ACSS3: variants seen among roughly 807,000 people sequenced by gnomAD.
The protein encoded by ACSS3 is acyl-CoA synthetase short chain family member 3, also known as acyl-CoA synthetase short-chain family member 3, mitochondrial.
Under a neutral mutation model 84.2 loss-of-function variants are expected in ACSS3, and 64 were observed. The ratio of observed to expected loss-of-function variants is 0.76; its 90% CI spans 0.62 to 0.94. The LOEUF is 0.94. Ranked by LOEUF, ACSS3 falls within the 40% of genes least tolerant of loss-of-function variation. ACSS3 has a pLI of 0.00. For missense variants in ACSS3, 815 were observed against 867.6 expected, an observed-to-expected ratio of 0.94 and a Z score of 0.76; for synonymous variants, 317 against 310.1, an observed-to-expected ratio of 1.02 and a Z score of -0.23.
chr12:81,158,211 ATTAC>A (rs1886977382), intron 7 of ACSS3, among the ~76,000 whole-genome samples: 1 of 152,014 alleles, frequency 6.6e-6, no homozygotes, highest in Non-Finnish European at 1.5e-5. Flanking sequence ...ATATCTCTGT[ATTAC>A]TTCTTACAAC....
At chr12:81,212,882 G>A (rs1214233861) in intron 9 of ACSS3, among the ~76,000 whole-genome samples, 2 of 152,092 alleles carry the variant, frequency 1.3e-5, no homozygotes, top group Non-Finnish European at 2.9e-5. Flanking sequence ...TCTAATGCAG[G>A]GTGAGTATAA....
rs2034357263 is a variant in ACSS3, at chr12:81,257,687, G to C, written c.*2765G>C. On this transcript the variant is annotated 3_prime_UTR_variant, in exon 16 of 16. Transcript: ENST00000548058. Reference sequence around the variant, plus strand: ...AAACCAGTTTTGTTTATATAAAATTGTATTTGAAAGGTCCTGAACATTAAA... The same window carrying C: ...AAACCAGTTTTGTTTATATAAAATTCTATTTGAAAGGTCCTGAACATTAAA... 6.6e-6 allele frequency: 1 copy of C among 151,980 alleles called. No homozygotes were observed. The highest frequency in any genetic ancestry group is 1.5e-5 in the Non-Finnish European group (1 of 67,970). 9.4% of individuals were successfully genotyped at this position (151,980 alleles called of 1,614,324 possible). A position where few individuals can be genotyped will look rare whatever the true frequency, so the allele number is the denominator to read the frequency against.
Position 81,199,393 on chromosome 12 carries a change from T to A in ACSS3, c.1303T>A (p.Trp435Arg). 1 of 1,613,782 alleles carries A rather than the reference T, an allele frequency of 6.2e-7. No individual in the cohort carries two copies. The change falls in exon 9 of 16, where the codon TGG becomes AGG. Residue 435 changes from tryptophan (W) to arginine (R), a missense_variant. Physicochemically the swap from Trp to Arg is moderately radical, Grantham distance 101 (BLOSUM62 -3). Transcript: ENST00000548058. ...ACGATGTGATGTAGAGACCCTGGAA[T>A]GGTCCAAAAATGTCTTCAGAGTACC... Reference protein sequence around the residue: ...GERCDVETLEWSKNVFRVPVL... With the variant: ...GERCDVETLERSKNVFRVPVL...
intron 4 of ACSS3, among the ~76,000 whole-genome samples, chr12:81,140,944 C>T (rs566770815): frequency 6.6e-6 from 1 of 152,176 alleles, no homozygotes; most frequent in Non-Finnish European, 1.5e-5. Flanking sequence ...TTCTAACAAA[C>T]AAATGAAATA....
At chr12:81,234,466 A>G (rs966918015) in intron 13 of ACSS3, among the ~76,000 whole-genome samples, 9 of 151,316 alleles carry the variant, frequency 5.9e-5, no homozygotes, top group African/African-American at 1.9e-4. Flanking sequence ...GTTATGAGAA[A>G]CCACCAAAGA....
At chr12:81,174,326 A>C (rs1221091387) in intron 7 of ACSS3, among the ~76,000 whole-genome samples, 1 of 152,168 alleles carries the variant, frequency 6.6e-6, no homozygotes, top group Non-Finnish European at 1.5e-5. Context: ...TGAGACATTT[A>C]ACTGAAAAGG....
In ACSS3 at chr12:81,135,004, G is replaced by C. The variant is rs1282698975; in HGVS notation, c.645G>C (p.Lys215Asn). ...TAAGTAGTCGCATTGATCATGTAAAGGTAAGTGCTTTATTTTGGGAAATCA... is the reference window on the plus strand; with the variant it reads ...TAAGTAGTCGCATTGATCATGTAAACGTAAGTGCTTTATTTTGGGAAATCA... ...KELSSRIDHV[K>N]PKVVVTASFG... Residue 215 changes from lysine to asparagine, a missense_variant and splice_region_variant, in exon 3 of 16, where the codon AAG becomes AAC. Physicochemically the swap from Lys to Asn is moderately conservative, Grantham distance 94. Coordinates refer to ENST00000548058, the MANE Select transcript of ACSS3 (RefSeq NM_024560.4). 6.3e-7 allele frequency: 1 copy of C among 1,578,414 alleles called. No homozygotes were observed. Among genetic ancestry groups the C allele is most frequent in the African/African-American group, 1.3e-5 (1 of 74,138 alleles).
chr12:81,197,884 A>G (rs1408788040), intron 8 of ACSS3, among the ~76,000 whole-genome samples: 1 of 152,048 alleles, frequency 6.6e-6, no homozygotes, highest in Admixed American at 6.6e-5. Flanking sequence ...TCTAGAGTTT[A>G]CAGGCAGCTT....
chr12:81,249,214 GC>G (rs1190515616), intron 13 of ACSS3, among the ~76,000 whole-genome samples: 1 of 152,062 alleles, frequency 6.6e-6, no homozygotes, highest in Non-Finnish European at 1.5e-5. Flanking sequence ...GCACTTGTAA[GC>G]TAAAATTTGC....
At chr12:81,158,858 T>C (rs918029634) in intron 7 of ACSS3, among the ~76,000 whole-genome samples, 2 of 152,158 alleles carry the variant, frequency 1.3e-5, no homozygotes, top group African/African-American at 4.8e-5. Context: ...TGCAGATTCA[T>C]ATTAGTCTTT....
At chr12:81,196,858 G>A (rs1027991139) in intron 8 of ACSS3, among the ~76,000 whole-genome samples, 2 of 152,092 alleles carry the variant, frequency 1.3e-5, no homozygotes, top group African/African-American at 4.8e-5. Flanking sequence ...ATTACCATGG[G>A]GAGGACATGA....
At position 81,253,300 on chromosome 12, in the gene ACSS3, A is replaced by T. The variant is rs760413191; in HGVS notation, c.1720-7A>T. 1 of 1,612,686 alleles carries T rather than the reference A, an allele frequency of 6.2e-7. No individual in the cohort carries two copies. The highest frequency in any genetic ancestry group is 1.3e-5 in the African/African-American group (1 of 74,848). The stretch of plus-strand genomic sequence containing the variant: ...GTATTCTAAATGAATGCCTTTCCTT[A>T]TTACAGTCAATCCTTTCCCATGGTA... On this transcript the variant is annotated splice_region_variant and splice_polypyrimidine_tract_variant and intron_variant, in intron 13 of 15. Transcript: ENST00000548058.
At chr12:81,182,177 G>A (rs2030982390) in intron 8 of ACSS3, among the ~76,000 whole-genome samples, 1 of 152,088 alleles carries the variant, frequency 6.6e-6, no homozygotes, top group Non-Finnish European at 1.5e-5. Context: ...TACATATAAG[G>A]GAATTTCCAT....
chr12:81,083,196 G>A (rs778306733), intron 1 of ACSS3, among the ~76,000 whole-genome samples: 17 of 152,318 alleles, frequency 1.1e-4, no homozygotes, highest in South Asian at 4.1e-4. Context: ...AAGGCTTGGA[G>A]TAGCAAGCTA....
intron 7 of ACSS3, among the ~76,000 whole-genome samples, chr12:81,170,707 C>T (rs2029969053): frequency 6.6e-6 from 1 of 152,040 alleles, no homozygotes; most frequent in Non-Finnish European, 1.5e-5. Context: ...CTTCTTATTT[C>T]TAAATTGAAT....
rs574887601 is a variant in ACSS3, at chr12:81,258,562, C to T, written c.*3640C>T. The T allele has an allele frequency of 1.3e-5, 2 of 152,036 alleles. No homozygotes were observed. The highest frequency in any genetic ancestry group is 4.8e-5 in the African/African-American group (2 of 41,538). 9.4% of individuals were successfully genotyped at this position (152,036 alleles called of 1,614,324 possible). A position where few individuals can be genotyped will look rare whatever the true frequency, so the allele number is the denominator to read the frequency against. On this transcript the variant is annotated 3_prime_UTR_variant, in exon 16 of 16. Transcript: ENST00000548058. ...AAATAAAGCCACAGGGAAGAGATTA[C>T]TCTTCTATACTTTTATACACTATAT...
At position 81,091,620 on chromosome 12, in the gene ACSS3, T is replaced by C. The variant is rs1246043517; in HGVS notation, c.311+13189T>C. On this transcript the variant is annotated intron_variant, in intron 1 of 15. Transcript: ENST00000548058. ...CCTTGGTTTACTTAATTTATAAAAA[T>C]ATTAATTTTCAAGTTTATCATTAGT... Among the ~76,000 whole-genome samples, 3 of 151,984 alleles carry C rather than the reference T, an allele frequency of 2.0e-5. No individual in the cohort carries two copies. In the South Asian group the frequency reaches 6.2e-4, roughly 31 times the overall value.
In ACSS3 at chr12:81,134,933, G is replaced by T; in HGVS notation, c.574G>T (p.Gly192Cys). The T allele has an allele frequency of 6.2e-7, 1 of 1,606,932 alleles. No homozygotes were observed. Among genetic ancestry groups the T allele is most frequent in the Non-Finnish European group, 8.5e-7 (1 of 1,176,112 alleles). ...TACCATGTTGGCATGTGCAAGGATA[G>T]GTGCCATCCACAGTCTCATATTTGG... ...MYTMLACARI[G>C]AIHSLIFGGF... Residue 192 changes from glycine (G) to cysteine (C), a missense_variant, in exon 3 of 16, where the codon GGT becomes TGT. Physicochemically the swap from Gly to Cys is radical, Grantham distance 159 (BLOSUM62 -3). Coordinates refer to ENST00000548058, the MANE Select transcript of ACSS3 (RefSeq NM_024560.4).
intron 2 of ACSS3, among the ~76,000 whole-genome samples, chr12:81,130,457 A>G (rs553795885): frequency 6.6e-6 from 1 of 152,096 alleles, no homozygotes; most frequent in African/African-American, 2.4e-5. Flanking sequence ...TGCTTCACCC[A>G]CTTTTTGATG....
Sources: allele counts gnomAD v4.1 joint callset (sites outside exome capture counted in the v4.1 genomes callset), GRCh38; gene constraint gnomAD v4.1.1; transcripts MANE v1.5; gene names NCBI Gene and HGNC (gene_info 2026-07-23, HGNC 2026-07-21).